Variants in SPACA6 observed in about 807,000 individuals in gnomAD.
SPACA6 encodes sperm acrosome associated 6, also known as sperm acrosome membrane-associated protein 6.
For missense variants in SPACA6, 8 were observed against 2.8 expected, an observed-to-expected ratio of 2.88 and a Z score of -1.34; for synonymous variants, 6 against 1.5, an observed-to-expected ratio of 4.05 and a Z score of -2.21.
chr19:51,704,438 T>A lies in SPACA6; in HGVS notation c.899T>A (p.Val300Asp), dbSNP rs1374832195. Residue 300 changes from valine (V) to aspartate (D), a missense_variant, in exon 8 of 9, where the codon GTC becomes GAC. Transcript: ENST00000637797. ...LTPSNLFLLA[V>D]LGALASASAT... is the part of the protein sequence containing the mutation. ...CCCAGCAATCTGTTCCTGCTTGCAGTCCTCGGGGCCCTCGCATCAGCGAGT... is the reference window on the plus strand; with the variant it reads ...CCCAGCAATCTGTTCCTGCTTGCAGACCTCGGGGCCCTCGCATCAGCGAGT... 2.5e-6 allele frequency: 1 copy of A among 401,078 alleles called. No individual in the cohort carries two copies. The highest frequency in any genetic ancestry group is 4.4e-6 in the Non-Finnish European group (1 of 226,238). 24.8% of individuals were successfully genotyped at this position (401,078 alleles called of 1,614,324 possible).
chr19:51,702,968 C>G, intron 4 of SPACA6, 53 bp from the exon 5 acceptor site: 1 of 399,146 alleles, frequency 2.5e-6, no homozygotes, highest in Non-Finnish European at 4.4e-6. Context: ...GGGCCAAGGG[C>G]CCCGGGCTTG....
chr19:51,693,782 T>A, intron 1 of SPACA6, 42 bp downstream of exon 1: 1 of 404,014 alleles, frequency 2.5e-6, no homozygotes, highest in Non-Finnish European at 4.4e-6. Flanking sequence ...CTGGGGAAGG[T>A]GCAGAGGGAG....
Position 51,704,156 on chromosome 19 carries a change from C to G in SPACA6, c.700C>G (p.Pro234Ala), listed in dbSNP as rs547038380. Residue 234 changes from proline to alanine, a missense_variant, in exon 7 of 9, where the codon CCC becomes GCC. By Grantham distance (27) the Pro-to-Ala change is conservative. Transcript: ENST00000637797. Reference sequence around the variant, plus strand: ...CTGCGTGATCAAGCAAGACCAGCGCCCCCTGGCCCGGCTCTACTTCTTTCT... The same window carrying G: ...CTGCGTGATCAAGCAAGACCAGCGCGCCCTGGCCCGGCTCTACTTCTTTCT... ...FSCVIKQDQR[P>A]LARLYFFLNV... is the part of the protein sequence containing the mutation. The G allele has an allele frequency of 2.5e-6, 1 of 401,166 alleles. No homozygotes were observed. The highest frequency in any genetic ancestry group is 1.3e-4 in the South Asian group (1 of 7,958). 24.9% of individuals were successfully genotyped at this position (401,166 alleles called of 1,614,324 possible). A position where few individuals can be genotyped will look rare whatever the true frequency, so the allele number is the denominator to read the frequency against.
chr19:51,695,141 G>C (rs534918512), intron 2 of SPACA6, among the ~76,000 whole-genome samples: 3 of 152,154 alleles, frequency 2.0e-5, no homozygotes, highest in Non-Finnish European at 2.9e-5. Context: ...TAGAGGGCGG[G>C]AAAACAGGAA....
chr19:51,690,083 CAGG>C (rs1268364164), upstream of SPACA6, among the ~76,000 whole-genome samples: 3 of 150,240 alleles, frequency 2.0e-5, no homozygotes, highest in South Asian at 2.1e-4. Context: ...GCGGCGGGGG[CAGG>C]AGATGTCTGG....
At chr19:51,694,083 A>G (rs1446016605) in intron 1 of SPACA6, 3 of 242,220 alleles carry the variant, frequency 1.2e-5, no homozygotes, top group Non-Finnish European at 2.2e-5. Flanking sequence ...ACTCGGGAGG[A>G]TGGAGAGTCA....
At chr19:51,693,255 G>T, upstream of SPACA6, 1 of 701,234 alleles carries the variant, frequency 1.4e-6, no homozygotes, top group Non-Finnish European at 2.7e-6. Flanking sequence ...ACACCATGTT[G>T]CCAGTCTCTA....
upstream of SPACA6, among the ~76,000 whole-genome samples, chr19:51,691,809 G>A (rs935014170): frequency 7.2e-5 from 11 of 151,768 alleles, no homozygotes; most frequent in Admixed American, 6.6e-4. Flanking sequence ...GCCCAGGGGT[G>A]GGGAGGGTGG....
intron 2 of SPACA6, among the ~76,000 whole-genome samples, chr19:51,696,034 A>G (rs1470087044): frequency 1.3e-5 from 2 of 152,124 alleles, no homozygotes; most frequent in African/African-American, 2.4e-5. Flanking sequence ...GGTCCCAGGG[A>G]CGTTTAGGAG....
rs2083496756 is a variant in SPACA6 at position 51,704,317 on chromosome 19, CG to C, written c.781del (p.Glu261LysfsTer12). ...RAETELQASFREVLRWAPRDA... is the reference protein window; with the variant it reads ...RAETELQASFXEVLRWAPRDA... ...GGAGACAGAGTTGCAGGCCTCGTTC[CG>C]GGAAGTGCTGCGCTGGGCGCCGCGG... On this transcript the variant is annotated frameshift_variant, in exon 8 of 9. Transcript: ENST00000637797. LOFTEE classifies it high-confidence loss of function. 5.0e-6 allele frequency: 2 copies of C among 400,850 alleles called. No homozygotes were observed. The highest frequency in any genetic ancestry group is 8.8e-6 in the Non-Finnish European group (2 of 226,100). The allele number at this position is 400,850 out of a possible 1,614,324, so 24.8% of individuals were successfully genotyped here.
At chr19:51,707,346 G>A (rs2083520985), downstream of SPACA6, among the ~76,000 whole-genome samples, 2 of 151,478 alleles carry the variant, frequency 1.3e-5, no homozygotes, top group Admixed American at 6.6e-5. Context: ...TCAGTGTCCC[G>A]AGTAGCTGGG....
At chr19:51,689,315 C>A (rs1279125482), upstream of SPACA6, 1 of 150,226 alleles carries the variant, frequency 6.7e-6, no homozygotes, top group Non-Finnish European at 1.5e-5. Context: ...GGGGGGCCCC[C>A]TGGGGAGGGG....
At chr19:51,694,792 C>T (rs919514887) in intron 2 of SPACA6, among the ~76,000 whole-genome samples, 8 of 152,148 alleles carry the variant, frequency 5.3e-5, no homozygotes, top group African/African-American at 1.9e-4. Context: ...TTGCCTAGAG[C>T]TGGAAGTCCA....
At chr19:51,707,214 CTG>C (rs1394875794), downstream of SPACA6, among the ~76,000 whole-genome samples, 2 of 148,240 alleles carry the variant, frequency 1.3e-5, no homozygotes, top group African/African-American at 2.5e-5. Flanking sequence ...TAAAACAAAA[CTG>C]TTTCTCTCTC....
intron 2 of SPACA6, among the ~76,000 whole-genome samples, chr19:51,697,939 G>A (rs1226034710): frequency 6.6e-6 from 1 of 152,136 alleles, no homozygotes; most frequent in African/African-American, 2.4e-5. Context: ...GCAATCCTAA[G>A]TTTGCCAGCC....
intron 2 of SPACA6, 40 bp downstream of exon 2, chr19:51,694,595 G>T: frequency 2.5e-6 from 1 of 399,500 alleles, no homozygotes; most frequent in Admixed American, 4.4e-5. Context: ...ATGTGGACTT[G>T]GAGCCCCTAA....
upstream of SPACA6, among the ~76,000 whole-genome samples, chr19:51,691,864 C>T (rs1253321371): frequency 2.6e-5 from 4 of 151,986 alleles, no homozygotes; most frequent in Admixed American, 6.6e-5. Flanking sequence ...CTGGGGACAC[C>T]TCCTGGATTC....
At chr19:51,685,336 C>G (rs759404114), upstream of SPACA6, 17 of 152,106 alleles carry the variant, frequency 1.1e-4, no homozygotes, top group Admixed American at 8.5e-4. Context: ...CATCCCTTAT[C>G]CAAAATACTT....
chr19:51,710,476 G>A (rs1349686027), intron 2 of SPACA6, among the ~76,000 whole-genome samples: 1 of 152,206 alleles, frequency 6.6e-6, no homozygotes, highest in African/African-American at 2.4e-5. Flanking sequence ...GACTGATGGA[G>A]GAGCAGGTTT....
Sources: allele counts gnomAD v4.1 joint callset (sites outside exome capture counted in the v4.1 genomes callset), GRCh38; gene constraint gnomAD v4.1.1; transcripts MANE v1.5; gene names NCBI Gene and HGNC (gene_info 2026-07-23, HGNC 2026-07-21).